PDGFD: variants seen among roughly 807,000 people sequenced by gnomAD.
PDGFD encodes platelet derived growth factor D.
In PDGFD, 30 loss-of-function variants were observed where a neutral mutation model predicts 44.7. The observed-to-expected ratio is 0.67, with a 90% CI of 0.50 to 0.91. The LOEUF is 0.91. Among genes scored for constraint, PDGFD ranks in the 40% least tolerant of loss-of-function variants. The pLI, the probability that PDGFD is intolerant of heterozygous loss-of-function variation, is 0.00. For missense variants in PDGFD, 445 were observed against 457.8 expected, an observed-to-expected ratio of 0.97 and a Z score of 0.25; for synonymous variants, 173 against 168.4, an observed-to-expected ratio of 1.03 and a Z score of -0.21.
At chr11:104,024,649 T>C (rs374086350) in intron 1 of PDGFD, among the ~76,000 whole-genome samples, 13 of 152,182 alleles carry the variant, frequency 8.5e-5, no homozygotes, top group East Asian at 5.8e-4. Flanking sequence ...TACAGCGTTG[T>C]AGGTTATGTA....
At chr11:104,042,197 G>C (rs1160729812) in intron 1 of PDGFD, among the ~76,000 whole-genome samples, 1 of 152,176 alleles carries the variant, frequency 6.6e-6, no homozygotes, top group Non-Finnish European at 1.5e-5. Context: ...GGTGGGAACT[G>C]GGCTATGATT....
chr11:104,001,884 C>T (rs926554674), intron 1 of PDGFD, among the ~76,000 whole-genome samples: 1 of 152,162 alleles, frequency 6.6e-6, no homozygotes, highest in Non-Finnish European at 1.5e-5. Flanking sequence ...TAAGAATTGG[C>T]ATGTGAAGTA....
At chr11:104,044,156 C>G (rs1476399328) in intron 1 of PDGFD, among the ~76,000 whole-genome samples, 1 of 152,028 alleles carries the variant, frequency 6.6e-6, no homozygotes, top group East Asian at 1.9e-4. Context: ...AACCAGAGAG[C>G]AGTTATAGAA....
At chr11:103,942,875 T>A (rs1858608105) in intron 5 of PDGFD, among the ~76,000 whole-genome samples, 1 of 152,176 alleles carries the variant, frequency 6.6e-6, no homozygotes, top group African/African-American at 2.4e-5. Context: ...ACTTACTTCC[T>A]CTGACTTGTC....
chr11:103,934,206 C>G (rs993988146), intron 5 of PDGFD, among the ~76,000 whole-genome samples: 1 of 152,292 alleles, frequency 6.6e-6, no homozygotes, highest in Middle Eastern at 3.4e-3. Flanking sequence ...TAGCTCCTGC[C>G]AAGGAACTTG....
At chr11:104,160,854 T>C (rs1176484193) in intron 1 of PDGFD, among the ~76,000 whole-genome samples, 1 of 152,166 alleles carries the variant, frequency 6.6e-6, no homozygotes, top group Non-Finnish European at 1.5e-5. Context: ...GATCAGCTTC[T>C]TATAATGGGT....
intron 1 of PDGFD, among the ~76,000 whole-genome samples, chr11:104,143,216 C>T (rs565724470): frequency 2.6e-5 from 4 of 152,210 alleles, no homozygotes; most frequent in African/African-American, 9.6e-5. Flanking sequence ...GCATAACTTC[C>T]TCTTTAGCAT....
At chr11:103,969,740 T>C (rs1859076432) in intron 3 of PDGFD, among the ~76,000 whole-genome samples, 1 of 151,946 alleles carries the variant, frequency 6.6e-6, no homozygotes, top group Non-Finnish European at 1.5e-5. Flanking sequence ...TACCCATATT[T>C]GGCTTAATTT....
intron 3 of PDGFD, among the ~76,000 whole-genome samples, chr11:103,957,095 G>T (rs1858863320): frequency 6.6e-6 from 1 of 151,994 alleles, no homozygotes; most frequent in Non-Finnish European, 1.5e-5. Context: ...GGCTTTTGTT[G>T]CCATTGCTTT....
At chr11:103,987,685 G>T (rs1214868747) in intron 3 of PDGFD, among the ~76,000 whole-genome samples, 2 of 152,190 alleles carry the variant, frequency 1.3e-5, no homozygotes. Context: ...TTGGCTTCTT[G>T]TATCTTTTGC....
intron 1 of PDGFD, among the ~76,000 whole-genome samples, chr11:104,108,079 C>T (rs1861495781): frequency 6.6e-6 from 1 of 152,086 alleles, no homozygotes; most frequent in South Asian, 2.1e-4. Flanking sequence ...AAATCATTCA[C>T]TCATTTTAAA....
intron 3 of PDGFD, among the ~76,000 whole-genome samples, chr11:103,980,652 C>T (rs1375612691): frequency 6.6e-6 from 1 of 151,972 alleles, no homozygotes; most frequent in Non-Finnish European, 1.5e-5. Flanking sequence ...CTGTTGTGGA[C>T]TGAATATTTG....
At chr11:104,007,873 T>C (rs1015271464) in intron 1 of PDGFD, among the ~76,000 whole-genome samples, 4 of 149,248 alleles carry the variant, frequency 2.7e-5, no homozygotes, top group Non-Finnish European at 4.5e-5. Context: ...GTATAGTTTA[T>C]AAACACCCAT....
chr11:104,002,754 G>T (rs1316280886), intron 1 of PDGFD, among the ~76,000 whole-genome samples: 1 of 152,036 alleles, frequency 6.6e-6, no homozygotes, highest in African/African-American at 2.4e-5. Context: ...CCACATTTTT[G>T]TGCCTCTAGT....
At chr11:104,090,766 A>G (rs772880109) in intron 1 of PDGFD, among the ~76,000 whole-genome samples, 2 of 152,020 alleles carry the variant, frequency 1.3e-5, no homozygotes, top group Non-Finnish European at 2.9e-5. Flanking sequence ...GCAAAATGGA[A>G]TAAATTACTC....
intron 6 of PDGFD, among the ~76,000 whole-genome samples, chr11:103,911,023 T>C (rs1028475825): frequency 2.6e-5 from 4 of 152,226 alleles, no homozygotes; most frequent in African/African-American, 9.6e-5. Context: ...GTGGCCAAAC[T>C]GCCTCTCTAG....
intron 1 of PDGFD, among the ~76,000 whole-genome samples, chr11:104,094,778 C>A (rs143888255): frequency 1.4e-4 from 22 of 152,262 alleles, no homozygotes; most frequent in African/African-American, 5.3e-4. Flanking sequence ...TTTCCCCATG[C>A]ACTTTTTCTT....
chr11:104,098,773 C>T (rs1861323041), intron 1 of PDGFD, among the ~76,000 whole-genome samples: 2 of 152,116 alleles, frequency 1.3e-5, no homozygotes, highest in African/African-American at 4.8e-5. Context: ...ACCTCGGTCT[C>T]CCAAAGTGTG....
At chr11:104,022,247 T>G (rs567886749) in intron 1 of PDGFD, among the ~76,000 whole-genome samples, 18 of 152,284 alleles carry the variant, frequency 1.2e-4, no homozygotes, top group African/African-American at 4.3e-4. Flanking sequence ...AGAGTTTGTA[T>G]TTCACACTGT....
Sources: allele counts gnomAD v4.1 joint callset (sites outside exome capture counted in the v4.1 genomes callset), GRCh38; gene constraint gnomAD v4.1.1; transcripts MANE v1.5; gene names NCBI Gene and HGNC (gene_info 2026-07-23, HGNC 2026-07-21).